Variants in RORA observed in about 807,000 individuals in gnomAD.
RORA encodes the protein RAR related orphan receptor A, also known as nuclear receptor ROR-alpha.
A neutral mutation model predicts 69.5 loss-of-function variants in RORA; 7 were observed. That is an observed-to-expected ratio of 0.10 (90% confidence interval 0.06 to 0.19). The LOEUF (loss-of-function observed/expected upper bound fraction) is 0.19, where lower values mean the gene tolerates loss of function less well. Ranked by LOEUF, RORA falls within the 10% of genes least tolerant of loss-of-function variation. RORA has a pLI of 1.00. For missense variants in RORA, 457 were observed against 663.0 expected, an observed-to-expected ratio of 0.69 and a Z score of 3.41; for synonymous variants, 261 against 240.8, an observed-to-expected ratio of 1.08 and a Z score of -0.78.
intron 1 of RORA, among the ~76,000 whole-genome samples, chr15:60,978,714 G>A (rs1048412135): frequency 1.3e-5 from 2 of 152,032 alleles, no homozygotes; most frequent in African/African-American, 4.8e-5. Context: ...TATGAGGTAA[G>A]GGTCCAACAT....
intron 1 of RORA, among the ~76,000 whole-genome samples, chr15:60,877,554 A>G (rs1438661939): frequency 6.6e-6 from 1 of 152,086 alleles, no homozygotes; most frequent in Non-Finnish European, 1.5e-5. Flanking sequence ...GGCTGTTATT[A>G]TTTTTAAAAT....
At chr15:60,821,478 G>T (rs1004145480) in intron 1 of RORA, among the ~76,000 whole-genome samples, 2 of 152,190 alleles carry the variant, frequency 1.3e-5, no homozygotes, top group African/African-American at 2.4e-5. Context: ...TGGCTCAAAG[G>T]CTTCCACGTG....
At chr15:60,884,084 A>T (rs2073722928) in intron 1 of RORA, among the ~76,000 whole-genome samples, 1 of 152,206 alleles carries the variant, frequency 6.6e-6, no homozygotes, top group African/African-American at 2.4e-5. Flanking sequence ...GCATTGTGGC[A>T]GCCGTAGAGG....
intron 1 of RORA, among the ~76,000 whole-genome samples, chr15:60,975,017 C>T (rs1291280725): frequency 6.6e-6 from 1 of 152,162 alleles, no homozygotes; most frequent in East Asian, 1.9e-4. Flanking sequence ...TGGGCCAAGG[C>T]CAGACTGCAG....
At chr15:61,121,135 C>T (rs1195399855) in intron 1 of RORA, among the ~76,000 whole-genome samples, 2 of 152,156 alleles carry the variant, frequency 1.3e-5, no homozygotes, top group African/African-American at 4.8e-5. Context: ...CAGACGTGGG[C>T]CACCATGCCC....
intron 1 of RORA, among the ~76,000 whole-genome samples, chr15:61,003,923 A>T (rs1001276629): frequency 6.6e-6 from 1 of 152,010 alleles, no homozygotes. Context: ...CCTTGGATAC[A>T]CCGCTGTTTC....
chr15:60,870,044 G>C (rs2073537533), intron 1 of RORA, among the ~76,000 whole-genome samples: 1 of 152,204 alleles, frequency 6.6e-6, no homozygotes, highest in Non-Finnish European at 1.5e-5. Context: ...CCATGAAGTA[G>C]TCTTTGCAAC....
chr15:60,561,067 T>G (rs183458662), intron 2 of RORA, among the ~76,000 whole-genome samples: 1,784 of 133,268 alleles, frequency 0.013, 28 homozygotes, highest in African/African-American at 0.053. Flanking sequence ...TTTTTTTTTT[T>G]TTTGTTTTGT....
chr15:60,668,292 C>T (rs1411202853), intron 2 of RORA, among the ~76,000 whole-genome samples: 4 of 152,062 alleles, frequency 2.6e-5, no homozygotes, highest in African/African-American at 7.2e-5. Context: ...GATTTTGTCT[C>T]CTTAAAAATC....
chr15:60,956,607 G>C (rs1416376899), intron 1 of RORA, among the ~76,000 whole-genome samples: 1 of 152,130 alleles, frequency 6.6e-6, no homozygotes, highest in Non-Finnish European at 1.5e-5. Flanking sequence ...TCTGTGTCTT[G>C]GTTTCTTCAT....
intron 1 of RORA, among the ~76,000 whole-genome samples, chr15:60,839,037 C>T (rs938141862): frequency 3.9e-5 from 6 of 151,944 alleles, no homozygotes; most frequent in Admixed American, 1.3e-4. Context: ...TACAGGCGCC[C>T]GCCACCACAC....
At position 61,205,007 on chromosome 15, in the gene RORA, G is replaced by C. The variant is rs1043680588; in HGVS notation, c.166+24046C>G. The stretch of plus-strand genomic sequence containing the variant: ...GCTGGTCGGCACCATTGCTGTTCTC[G>C]TGTTTGGCCTACGCTGGGCCAAATC... On this transcript the variant is annotated intron_variant, in intron 1 of 10. Coordinates refer to ENST00000335670, the MANE Select transcript of RORA (RefSeq NM_134261.3). Among the ~76,000 whole-genome samples, 6 of 152,302 alleles carry C rather than the reference G, an allele frequency of 3.9e-5. No homozygotes were observed. In the South Asian group the frequency reaches 6.2e-4, roughly 16 times the overall value.
At chr15:60,746,523 AC>A (rs1320929917) in intron 1 of RORA, among the ~76,000 whole-genome samples, 3 of 152,192 alleles carry the variant, frequency 2.0e-5, no homozygotes, top group Admixed American at 2.0e-4. Flanking sequence ...AGAAAAAAAA[AC>A]ATTCTGACCT....
chr15:60,618,358 T>C (rs1390544007), intron 2 of RORA, among the ~76,000 whole-genome samples: 2 of 152,140 alleles, frequency 1.3e-5, no homozygotes, highest in African/African-American at 4.8e-5. Context: ...CCCCTACAGA[T>C]ACATGTAGCA....
Position 60,573,297 on chromosome 15 carries a change from A to G in RORA, c.197-41446T>C, listed in dbSNP as rs35599192. Among the ~76,000 whole-genome samples, 824 of 152,272 alleles carry G rather than the reference A, an allele frequency of 5.4e-3. 5 individuals are homozygous for G. Among genetic ancestry groups the G allele is most frequent in the African/African-American group, 0.019 (790 of 41,548 alleles). On this transcript the variant is annotated intron_variant, in intron 2 of 10. Coordinates refer to ENST00000335670, the MANE Select transcript of RORA (RefSeq NM_134261.3). ...GAAGTCCCTGAATCAATTTATATCAAGCAAAGTGCAGAAATCCATTGAAGA... is the reference window on the plus strand; with the variant it reads ...GAAGTCCCTGAATCAATTTATATCAGGCAAAGTGCAGAAATCCATTGAAGA...
chr15:61,101,521 G>A (rs1286573110), intron 1 of RORA, among the ~76,000 whole-genome samples: 2 of 152,034 alleles, frequency 1.3e-5, no homozygotes, highest in Non-Finnish European at 2.9e-5. Context: ...TTCAGCAGCA[G>A]GAAGGGTAAA....
intron 2 of RORA, chr15:60,545,056 A>C (rs1239483210): frequency 6.6e-6 from 1 of 152,248 alleles, no homozygotes; most frequent in Non-Finnish European, 1.5e-5. Flanking sequence ...TCAGTGTTCC[A>C]GAAAAGCCAA....
intron 1 of RORA, among the ~76,000 whole-genome samples, chr15:61,114,171 T>G (rs1408042530): frequency 6.6e-6 from 1 of 152,182 alleles, no homozygotes; most frequent in African/African-American, 2.4e-5. Flanking sequence ...GGAGAGACTT[T>G]TTTTTTAAAC....
intron 1 of RORA, among the ~76,000 whole-genome samples, chr15:60,776,508 A>G (rs11071556): frequency 0.044 from 6,633 of 152,280 alleles, 223 homozygotes; most frequent in African/African-American, 0.089. Flanking sequence ...AGCATCAGAG[A>G]CTTCACAACC....
Sources: gnomAD v4.1 joint callset for allele counts (sites outside exome capture counted in the v4.1 genomes callset) on GRCh38, gnomAD v4.1.1 for gene constraint, MANE v1.5 for transcripts, NCBI Gene and HGNC (gene_info 2026-07-23, HGNC 2026-07-21) for gene names.